The following TBC1D19 variants were observed in gnomAD, a reference collection of about 807,000 sequenced individuals.
The protein encoded by TBC1D19 is TBC1 domain family, member 19.
A neutral mutation model predicts 89.0 loss-of-function variants in TBC1D19; 60 were observed. That is an observed-to-expected ratio of 0.67 (90% confidence interval 0.55 to 0.84). The LOEUF is 0.84. Among genes scored for constraint, TBC1D19 ranks in the 40% least tolerant of loss-of-function variants. The pLI is 0.00. For synonymous variants in TBC1D19, 189 were observed against 199.7 expected (o/e 0.95, Z 0.45); for missense variants, 500 against 610.8 (o/e 0.82, Z 1.91).
Position 26,590,807 on chromosome 4 carries a change from T to G in TBC1D19, c.99+6515T>G, listed in dbSNP as rs1339730363. On this transcript the variant is annotated intron_variant, in intron 1 of 20. Transcript: ENST00000264866. ...TGTCTTGCAGGTCTGTTTTTTTTTT[T>G]TTTTTTTTTTTTTTTTTTTTGTGAG... Among the ~76,000 whole-genome samples the G allele has an allele frequency of 5.0e-4, 60 of 119,686 alleles. 2 individuals carry two copies. The East Asian group carries it at 0.011, about 22-fold the overall frequency. 78.5% of individuals were successfully genotyped at this position (119,686 alleles called of 152,430 possible).
At chr4:26,606,438 TC>T in intron 1 of TBC1D19, among the ~76,000 whole-genome samples, 1 of 152,250 alleles carries the variant, frequency 6.6e-6, no homozygotes, top group East Asian at 1.9e-4. Context: ...CATAGGAAGC[TC>T]TCTCACAGAA....
intron 3 of TBC1D19, among the ~76,000 whole-genome samples, chr4:26,616,719 T>C (rs1560420094): frequency 6.6e-6 from 1 of 152,194 alleles, no homozygotes; most frequent in Non-Finnish European, 1.5e-5. Context: ...CAGTTTCTTA[T>C]TTAACAAATA....
chr4:26,651,050 G>C (rs1196720747), intron 7 of TBC1D19, among the ~76,000 whole-genome samples: 6 of 152,060 alleles, frequency 3.9e-5, no homozygotes, highest in Admixed American at 2.0e-4. Context: ...ATTTCTGAGG[G>C]CTCTGTTCTG....
chr4:26,822,736 C>T, the TBC1D19 span, among the ~76,000 whole-genome samples: 2 of 152,206 alleles, frequency 1.3e-5, no homozygotes, highest in Non-Finnish European at 2.9e-5. Context: ...TACAGTCAAT[C>T]TGCAACAGCG....
chr4:26,786,678 T>C, the TBC1D19 span, among the ~76,000 whole-genome samples: 13 of 145,590 alleles, frequency 8.9e-5, no homozygotes, highest in Admixed American at 2.2e-4. Context: ...GGCAAGTAAA[T>C]GGATAGATAG....
Position 26,584,135 on chromosome 4 carries a change from G to A in TBC1D19, c.-59G>A. 6.5e-7 allele frequency: 1 copy of A among 1,545,970 alleles called. No individual in the cohort carries two copies. Among genetic ancestry groups the A allele is most frequent in the South Asian group, 1.2e-5 (1 of 85,326 alleles). On this transcript the variant is annotated 5_prime_UTR_variant, in exon 1 of 21. Coordinates refer to ENST00000264866, the MANE Select transcript of TBC1D19 (RefSeq NM_018317.4). Reference sequence around the variant, plus strand: ...CACTGGCCCTGAGTGGGACCCGGTAGCCCGTTCGCTCCGCGCCGGCGGCCT... The same window carrying A: ...CACTGGCCCTGAGTGGGACCCGGTAACCCGTTCGCTCCGCGCCGGCGGCCT...
At chr4:26,645,170 G>A (rs1743830450) in intron 7 of TBC1D19, among the ~76,000 whole-genome samples, 1 of 152,102 alleles carries the variant, frequency 6.6e-6, no homozygotes, top group Non-Finnish European at 1.5e-5. Flanking sequence ...AGTTCATATG[G>A]AACCAAAAAA....
chr4:26,614,329 T>C (rs996758351), intron 2 of TBC1D19, 79 bp from the exon 3 acceptor site: 4 of 1,031,004 alleles, frequency 3.9e-6, no homozygotes, highest in South Asian at 1.6e-5. Flanking sequence ...CAAAGTTTTA[T>C]TGAGATAAAT....
At chr4:26,813,160 C>T in the TBC1D19 span, among the ~76,000 whole-genome samples, 1 of 152,014 alleles carries the variant, frequency 6.6e-6, no homozygotes, top group Admixed American at 6.6e-5. Flanking sequence ...GTTGAGGTTG[C>T]AGTGAACAGC....
upstream of TBC1D19, among the ~76,000 whole-genome samples, chr4:26,579,441 CAG>C (rs1739028725): frequency 6.6e-6 from 1 of 151,942 alleles, no homozygotes; most frequent in Non-Finnish European, 1.5e-5. Flanking sequence ...TTTACTCAAA[CAG>C]AAATGTATAC....
At chr4:26,584,379 G>A (rs1739279939) in intron 1 of TBC1D19, 87 bp downstream of exon 1, 1 of 1,227,170 alleles carries the variant, frequency 8.1e-7, no homozygotes, top group Non-Finnish European at 1.2e-6. Flanking sequence ...GCCAGAGCTC[G>A]CCTCTGACCT....
chr4:26,775,647 A>G, the TBC1D19 span, among the ~76,000 whole-genome samples: 53 of 152,222 alleles, frequency 3.5e-4, no homozygotes, highest in African/African-American at 1.3e-3. Context: ...ACACCTTGAT[A>G]TTGGATTTCC....
intron 9 of TBC1D19, among the ~76,000 whole-genome samples, chr4:26,669,207 CT>C (rs1370776536): frequency 3.3e-5 from 5 of 151,856 alleles, no homozygotes; most frequent in African/African-American, 1.2e-4. Context: ...AAAAATCATA[CT>C]CAGTTAGTGC....
chr4:26,798,172 T>C, the TBC1D19 span, among the ~76,000 whole-genome samples: 1 of 152,172 alleles, frequency 6.6e-6, no homozygotes, highest in Non-Finnish European at 1.5e-5. Context: ...ATCCAGAATC[T>C]ACAAGGAACT....
chr4:26,598,823 A>G (rs1279780937), intron 1 of TBC1D19, among the ~76,000 whole-genome samples: 2 of 152,206 alleles, frequency 1.3e-5, no homozygotes, highest in Non-Finnish European at 2.9e-5. Flanking sequence ...AGGATTATGA[A>G]TCTGTACATA....
At chr4:26,714,171 C>A (rs568783287) in intron 13 of TBC1D19, among the ~76,000 whole-genome samples, 1 of 152,186 alleles carries the variant, frequency 6.6e-6, no homozygotes, top group South Asian at 2.1e-4. Flanking sequence ...CATAATTAGA[C>A]CCTGTCTCTA....
At chr4:26,709,097 G>A (rs1715964060) in intron 13 of TBC1D19, among the ~76,000 whole-genome samples, 1 of 151,876 alleles carries the variant, frequency 6.6e-6, no homozygotes, top group South Asian at 2.1e-4. Context: ...GGAATCTCTG[G>A]AAATCAGATT....
chr4:26,806,054 C>T, the TBC1D19 span, among the ~76,000 whole-genome samples: 3 of 152,192 alleles, frequency 2.0e-5, no homozygotes, highest in Non-Finnish European at 4.4e-5. Flanking sequence ...TCACCCCACT[C>T]TGCTGCCTGG....
At chr4:26,672,993 A>C (rs1162573115) in intron 10 of TBC1D19, among the ~76,000 whole-genome samples, 1 of 151,864 alleles carries the variant, frequency 6.6e-6, no homozygotes, top group Non-Finnish European at 1.5e-5. Context: ...GGTTAGATAA[A>C]CATTAGCAGT....
Sources: allele counts gnomAD v4.1 joint callset (sites outside exome capture counted in the v4.1 genomes callset), GRCh38; gene constraint gnomAD v4.1.1; transcripts MANE v1.5; gene names NCBI Gene and HGNC (gene_info 2026-07-23, HGNC 2026-07-21).